RTN4RL1: variants seen among roughly 807,000 people sequenced by gnomAD.
RTN4RL1 encodes the protein reticulon-4 receptor-like 1.
RTN4RL1 carries 7 observed loss-of-function variants against 25.6 expected under a neutral mutation model. The observed-to-expected ratio is 0.27, with a 90% CI of 0.16 to 0.51. The LOEUF (loss-of-function observed/expected upper bound fraction) is 0.51, where lower values mean the gene tolerates loss of function less well. Among genes scored for constraint, RTN4RL1 ranks in the 20% least tolerant of loss-of-function variants. The pLI is 0.97. For missense variants in RTN4RL1, 500 were observed against 615.6 expected, an observed-to-expected ratio of 0.81 and a Z score of 1.99; for synonymous variants, 297 against 288.2, an observed-to-expected ratio of 1.03 and a Z score of -0.31.
intron 1 of RTN4RL1, among the ~76,000 whole-genome samples, chr17:1,988,837 G>A (rs1377179662): frequency 6.7e-6 from 1 of 149,662 alleles, no homozygotes; most frequent in Non-Finnish European, 1.5e-5. Context: ...ATTACAGGCA[G>A]CACAGCCCAG....
rs1597224548 is a variant in RTN4RL1 at position 1,979,710 on chromosome 17, G to C, written c.14-41902C>G. On this transcript the variant is annotated intron_variant, in intron 1 of 1. Coordinates refer to ENST00000331238, the MANE Select transcript of RTN4RL1 (RefSeq NM_178568.4). ...GCGCACCTGCTATTCAGCAGGGCCA[G>C]AGACAGACCAGGACAGAAAAGGGGA... 2.0e-5 allele frequency among the ~76,000 whole-genome samples: 3 copies of C among 152,330 alleles called. No individual in the cohort carries two copies. In the East Asian group the frequency reaches 5.8e-4, roughly 29 times the overall value.
intron 1 of RTN4RL1, among the ~76,000 whole-genome samples, chr17:1,979,554 A>G (rs543403240): frequency 2.0e-5 from 3 of 152,172 alleles, no homozygotes; most frequent in Non-Finnish European, 4.4e-5. Context: ...GTACCACTCA[A>G]GGCTTTGCCT....
At chr17:1,997,545 G>A (rs1348766325) in intron 1 of RTN4RL1, among the ~76,000 whole-genome samples, 8 of 152,246 alleles carry the variant, frequency 5.3e-5, no homozygotes, top group Non-Finnish European at 1.5e-5. Context: ...CTGGCCCATA[G>A]TAGGTGCTCA....
At chr17:2,012,800 T>C (rs578191350) in intron 1 of RTN4RL1, among the ~76,000 whole-genome samples, 3 of 151,270 alleles carry the variant, frequency 2.0e-5, no homozygotes, top group South Asian at 2.1e-4. Flanking sequence ...TCTTCTTCTT[T>C]TTTTTTTTTC....
intron 1 of RTN4RL1, among the ~76,000 whole-genome samples, chr17:1,976,732 C>A (rs1034064605): frequency 6.6e-6 from 1 of 152,206 alleles, no homozygotes; most frequent in Admixed American, 6.5e-5. Flanking sequence ...ACCCAGCTCA[C>A]GGGGCAGGGA....
chr17:1,990,718 G>A (rs889375495), intron 1 of RTN4RL1, among the ~76,000 whole-genome samples: 139 of 152,210 alleles, frequency 9.1e-4, no homozygotes, highest in African/African-American at 3.2e-3. Context: ...AAAACTTACT[G>A]TAATACAATC....
intron 1 of RTN4RL1, among the ~76,000 whole-genome samples, chr17:2,010,221 C>A (rs1161214218): frequency 9.0e-6 from 1 of 111,322 alleles, no homozygotes; most frequent in East Asian, 3.4e-4. Context: ...CTTTGGGAGG[C>A]CGATGTGGGT....
chr17:1,947,918 AGGTGCACTCAGTGGGACAGGGCT>A (rs1443819725), intron 1 of RTN4RL1, among the ~76,000 whole-genome samples: 2 of 152,146 alleles, frequency 1.3e-5, no homozygotes, highest in East Asian at 3.8e-4. Context: ...CTGGCTCCTC[AGGTGCACTCAGTGGGACAGGGCT>A]GGTTGTACGG....
At chr17:1,987,964 G>A (rs2066893946) in intron 1 of RTN4RL1, among the ~76,000 whole-genome samples, 1 of 151,872 alleles carries the variant, frequency 6.6e-6, no homozygotes, top group South Asian at 2.1e-4. Flanking sequence ...AAATTAGCCG[G>A]GTGTGGTGGC....
rs1036850327 is a variant in RTN4RL1 at position 1,994,386 on chromosome 17, C to T, written c.13+30467G>A. 2.6e-5 allele frequency among the ~76,000 whole-genome samples: 4 copies of T among 152,128 alleles called. No homozygotes were observed. The highest frequency in any genetic ancestry group is 5.9e-5 in the Non-Finnish European group (4 of 68,018). ...GTTACAGAGGACCTACCAGCTCTCC[C>T]AGCCAGGGACACACTTGGTCCCTCC... On this transcript the variant is annotated intron_variant, in intron 1 of 1. Coordinates refer to ENST00000331238, the MANE Select transcript of RTN4RL1 (RefSeq NM_178568.4). This position sits in a 1 kb window ranked among gnomAD's most constrained non-coding sequence, Gnocchi z 4.3.
In RTN4RL1 at chr17:2,005,733, CTCTCTT is replaced by C. The variant is rs2066988700; in HGVS notation, c.13+19114_13+19119del. 2.8e-5 allele frequency among the ~76,000 whole-genome samples: 3 copies of C among 107,952 alleles called. No individual in the cohort carries two copies. The South Asian group carries it at 8.3e-4, about 30-fold the overall frequency. The allele number at this position is 107,952 out of a possible 152,430, so 70.8% of individuals were successfully genotyped here. A position where few individuals can be genotyped will look rare whatever the true frequency, so the allele number is the denominator to read the frequency against. The stretch of plus-strand genomic sequence containing the variant: ...GACACCAGAGCAAGACCATCTCTCT[CTCTCTT>C]TCTCTCTCTCTCTCTCTCTCTCTCT... On this transcript the variant is annotated intron_variant, in intron 1 of 1. Coordinates refer to ENST00000331238, the MANE Select transcript of RTN4RL1 (RefSeq NM_178568.4).
At chr17:2,011,832 G>A (rs954517959) in intron 1 of RTN4RL1, among the ~76,000 whole-genome samples, 1 of 152,130 alleles carries the variant, frequency 6.6e-6, no homozygotes, top group Admixed American at 6.5e-5. Context: ...CACGAGTCAC[G>A]TGTGAGTGGT....
chr17:1,943,976 A>ATCATAGCT (rs1915488928), intron 1 of RTN4RL1, among the ~76,000 whole-genome samples: 1 of 152,126 alleles, frequency 6.6e-6, no homozygotes, highest in African/African-American at 2.4e-5. Flanking sequence ...CCTGGGCAGG[A>ATCATAGCT]GTGCAGTGGC....
chr17:1,973,343 G>A (rs1346647054), intron 1 of RTN4RL1, among the ~76,000 whole-genome samples: 1 of 148,480 alleles, frequency 6.7e-6, no homozygotes, highest in Non-Finnish European at 1.5e-5. Flanking sequence ...TCCAGCCTGG[G>A]CAATAGTGTG....
intron 1 of RTN4RL1, among the ~76,000 whole-genome samples, chr17:1,993,071 C>T (rs941578690): frequency 5.3e-5 from 8 of 151,968 alleles, no homozygotes; most frequent in Non-Finnish European, 8.8e-5. Flanking sequence ...AGTGAAACCC[C>T]ATCTCTACTA....
At chr17:1,983,009 G>A (rs1025565389) in intron 1 of RTN4RL1, among the ~76,000 whole-genome samples, 7 of 152,112 alleles carry the variant, frequency 4.6e-5, no homozygotes, top group African/African-American at 1.7e-4. Flanking sequence ...GGGGCCATTT[G>A]GTGGTGGAGC....
At chr17:2,014,418 T>C (rs2067092663) in intron 1 of RTN4RL1, among the ~76,000 whole-genome samples, 1 of 152,156 alleles carries the variant, frequency 6.6e-6, no homozygotes, top group Non-Finnish European at 1.5e-5. Context: ...ATTCAAGGCA[T>C]GGAGGGACCT....
intron 1 of RTN4RL1, among the ~76,000 whole-genome samples, chr17:1,966,888 C>G (rs1466503700): frequency 6.6e-6 from 1 of 152,154 alleles, no homozygotes; most frequent in African/African-American, 2.4e-5. Flanking sequence ...TTCAGGGGCC[C>G]TTCCAAACCT....
At chr17:1,947,432 C>T (rs935115362) in intron 1 of RTN4RL1, among the ~76,000 whole-genome samples, 2 of 152,140 alleles carry the variant, frequency 1.3e-5, no homozygotes, top group Admixed American at 6.6e-5. Context: ...GGGCCCTGTT[C>T]TGGGCAGAGC....
Sources: allele counts gnomAD v4.1 joint callset (sites outside exome capture counted in the v4.1 genomes callset), GRCh38; gene constraint gnomAD v4.1.1; non-coding constraint Gnocchi (gnomAD v3.1); transcripts MANE v1.5; gene names NCBI Gene and HGNC (gene_info 2026-07-23, HGNC 2026-07-21).